The following SBNO1 variants were observed in gnomAD, a reference collection of about 807,000 sequenced individuals.
SBNO1 encodes the protein strawberry notch homolog 1, also known as protein strawberry notch homolog 1.
Under a neutral mutation model 173.6 loss-of-function variants are expected in SBNO1, and 23 were observed. That is an observed-to-expected ratio of 0.13 (90% CI 0.10 to 0.19). The LOEUF (loss-of-function observed/expected upper bound fraction) is 0.19. Among genes scored for constraint, SBNO1 ranks in the 10% least tolerant of loss-of-function variants. The probability of loss-of-function intolerance (pLI) is 1.00; values close to 1 mark genes in which losing one functional copy is unlikely to be tolerated. For synonymous variants in SBNO1, 632 were observed against 571.5 expected, an observed-to-expected ratio of 1.11 and a Z score of -1.51; for missense variants, 1,238 against 1,671.2, an observed-to-expected ratio of 0.74 and a Z score of 4.52.
chr12:123,348,622 C>T lies in SBNO1; in HGVS notation c.133-489G>A, dbSNP rs892634306. ...TCTACTAAAAATACAAAAAATTCAC[C>T]GAGTGTGGTGGTGGGCGCCTGTAGT... On this transcript the variant is annotated intron_variant, in intron 2 of 31. Coordinates refer to ENST00000602398, the MANE Select transcript of SBNO1 (RefSeq NM_001167856.3). Among the ~76,000 whole-genome samples, 5 of 152,168 alleles carry T rather than the reference C, an allele frequency of 3.3e-5. No individual in the cohort carries two copies. The South Asian group carries it at 6.2e-4, about 19-fold the overall frequency.
intron 10 of SBNO1, 141 bp from the exon 11 acceptor site, chr12:123,328,168 C>T (rs1467633723): frequency 1.7e-6 from 1 of 583,944 alleles, no homozygotes; most frequent in Admixed American, 3.3e-5. Flanking sequence ...GTCCTATGGG[C>T]CTTTCCCCAG....
Position 123,295,611 on chromosome 12 carries a change from C to G in SBNO1, c.*297G>C. 3.4e-6 allele frequency: 1 copy of G among 297,166 alleles called. No homozygotes were observed. The highest frequency in any genetic ancestry group is 6.4e-6 in the Non-Finnish European group (1 of 156,018). The allele number at this position is 297,166 out of a possible 1,614,324, so 18.4% of individuals were successfully genotyped here. ...ACCAACTGTGGTCTGTAGCCTTTAA[C>G]ACACTCACAAACAGACTGACACACA... On this transcript the variant is annotated 3_prime_UTR_variant, in exon 32 of 32. Coordinates refer to ENST00000602398, the MANE Select transcript of SBNO1 (RefSeq NM_001167856.3).
chr12:123,363,975 C>T (rs1875743955), intron 1 of SBNO1: 1 of 985,546 alleles, frequency 1.0e-6, no homozygotes, highest in Non-Finnish European at 1.2e-6. Context: ...CTTTGGGGAA[C>T]TCTGGATGCT....
In SBNO1 at chr12:123,336,606, G is replaced by A. The variant is rs1167282120; in HGVS notation, c.652-115C>T. ...CAAATTTCCATCATGGAAACATGAC[G>A]CGCCACCTCAATACTCCCTAAAATC... On this transcript the variant is annotated intron_variant, in intron 5 of 31. Transcript: ENST00000602398. 19 of 652,224 alleles carry A rather than the reference G, an allele frequency of 2.9e-5. No homozygotes were observed. The Admixed American group carries it at 5.0e-4, about 17-fold the overall frequency. The allele number at this position is 652,224 out of a possible 1,614,324, so 40.4% of individuals were successfully genotyped here.
In SBNO1 at chr12:123,297,454, C is replaced by T. The variant is rs559300974; in HGVS notation, c.4039+524G>A. ...AGACTGACTTTGGCCCATGAACTCC[C>T]GATATGCAATCCGTGGTAGAGGAAG... On this transcript the variant is annotated intron_variant, in intron 31 of 31. Transcript: ENST00000602398. Among the ~76,000 whole-genome samples the T allele has an allele frequency of 1.4e-4, 18 of 124,564 alleles. No homozygotes were observed. The South Asian group carries it at 3.0e-3, about 21-fold the overall frequency. The allele number at this position is 124,564 out of a possible 152,430, so 81.7% of individuals were successfully genotyped here. A position where few individuals can be genotyped will look rare whatever the true frequency, so the allele number is the denominator to read the frequency against.
At chr12:123,327,358 C>A in intron 13 of SBNO1, 68 bp downstream of exon 13, 2 of 1,364,412 alleles carry the variant, frequency 1.5e-6, no homozygotes, top group African/African-American at 1.5e-5. Flanking sequence ...GCATCGCAAT[C>A]GCCAAAACTA....
At chr12:123,321,504 CT>C (rs1869974515) in intron 17 of SBNO1, 30 bp downstream of exon 17, 1 of 1,435,560 alleles carries the variant, frequency 7.0e-7, no homozygotes, top group Non-Finnish European at 9.8e-7. Context: ...ATATTATATG[CT>C]TTCGTGTATA....
At chr12:123,311,252 A>T in intron 24 of SBNO1, 123 bp from the exon 25 acceptor site, 1 of 680,348 alleles carries the variant, frequency 1.5e-6, no homozygotes, top group South Asian at 1.7e-5. Flanking sequence ...TGATATTTAT[A>T]TAAACATGGA....
chr12:123,364,244 G>A (rs990985597), intron 1 of SBNO1: 34 of 985,526 alleles, frequency 3.4e-5, no homozygotes, highest in Non-Finnish European at 4.1e-5. Flanking sequence ...GCCCAGAGCC[G>A]GGAGCAATGC....
rs777699100 is a variant in SBNO1 at position 123,348,012 on chromosome 12, A to G, written c.237+17T>C. On this transcript the variant is annotated intron_variant, in intron 3 of 31. Coordinates refer to ENST00000602398, the MANE Select transcript of SBNO1 (RefSeq NM_001167856.3). ...TAAACTATTTTAGAAGTAACGACGAATCTAAATCATTCTTACCCTCACATT... is the reference window on the plus strand; with the variant it reads ...TAAACTATTTTAGAAGTAACGACGAGTCTAAATCATTCTTACCCTCACATT... 1.6e-5 allele frequency: 24 copies of G among 1,478,404 alleles called. No homozygotes were observed. Among genetic ancestry groups the G allele is most frequent in the Admixed American group, 3.4e-5 (2 of 58,172 alleles). 91.6% of individuals were successfully genotyped at this position (1,478,404 alleles called of 1,614,324 possible). A position where few individuals can be genotyped will look rare whatever the true frequency, so the allele number is the denominator to read the frequency against.
At chr12:123,352,068 CATGGATTTTTA>C (rs1873940644) in intron 1 of SBNO1, among the ~76,000 whole-genome samples, 1 of 904 alleles carries the variant, frequency 1.1e-3, no homozygotes. Context: ...ATTCTGCTGC[CATGGATTTTTA>C]CCCATTTTAT....
chr12:123,316,998 A>C (rs1043992527), intron 21 of SBNO1, among the ~76,000 whole-genome samples: 8 of 151,962 alleles, frequency 5.3e-5, no homozygotes, highest in Non-Finnish European at 5.9e-5. Flanking sequence ...CACTGCTCTC[A>C]GCTGTTTTTC....
At chr12:123,342,585 C>CG (rs1220660268) in intron 4 of SBNO1, among the ~76,000 whole-genome samples, 2 of 152,180 alleles carry the variant, frequency 1.3e-5, no homozygotes, top group Admixed American at 6.5e-5. Context: ...TTTGGGAACT[C>CG]CTTACTTCCT....
At chr12:123,315,511 C>A in intron 22 of SBNO1, 37 bp downstream of exon 22, 1 of 1,581,006 alleles carries the variant, frequency 6.3e-7, no homozygotes, top group Non-Finnish European at 8.7e-7. Context: ...TACAATAGAT[C>A]ATCATTTACA....
intron 4 of SBNO1, 94 bp downstream of exon 4, chr12:123,345,164 C>A (rs1566049455): frequency 9.4e-7 from 1 of 1,068,460 alleles, no homozygotes; most frequent in East Asian, 2.4e-5. Context: ...CCTTTTATGG[C>A]CAGTTCTTTA....
rs61955078 is a variant in SBNO1 at position 123,347,139 on chromosome 12, G to C, written c.237+890C>G. Reference sequence around the variant, plus strand: ...TGTCGCAAAGTAGGAGGTAAGGGTAGGATATTGGGAAAGCGGCAAAAAGCA... The same window carrying C: ...TGTCGCAAAGTAGGAGGTAAGGGTACGATATTGGGAAAGCGGCAAAAAGCA... On this transcript the variant is annotated intron_variant, in intron 3 of 31. Coordinates refer to ENST00000602398, the MANE Select transcript of SBNO1 (RefSeq NM_001167856.3). Among the ~76,000 whole-genome samples, 493 of 151,666 alleles carry C rather than the reference G, an allele frequency of 3.3e-3. 3 individuals carry two copies. Among genetic ancestry groups the C allele is most frequent in the Non-Finnish European group, 5.1e-3 (344 of 67,972 alleles).
At position 123,345,339 on chromosome 12, in the gene SBNO1, G is replaced by C; in HGVS notation, c.469C>G (p.Leu157Val). 2 of 1,614,082 alleles carry C rather than the reference G, an allele frequency of 1.2e-6. No individual in the cohort carries two copies. The highest frequency in any genetic ancestry group is 2.2e-5 in the South Asian group (2 of 91,082). The change falls in exon 4 of 32, where the codon CTA (leucine) becomes GTA (valine). Residue 157 changes from leucine (L) to valine (V), a missense_variant. Leu to Val is a conservative substitution (Grantham distance 32). This residue lies in a region of SBNO1 where 287 missense variants were observed against 274.1 expected (regional missense o/e 1.05). Coordinates refer to ENST00000602398, the MANE Select transcript of SBNO1 (RefSeq NM_001167856.3). ...PSKDQVQLKD[L>V]LKNNSLNELM... ...TCATTAAGACTATTATTTTTCAGTA[G>C]ATCTTTAAGCTGAACTTGGTCTTTT...
intron 1 of SBNO1, among the ~76,000 whole-genome samples, chr12:123,351,467 A>G (rs1444479547): frequency 6.6e-6 from 1 of 152,144 alleles, no homozygotes; most frequent in Non-Finnish European, 1.5e-5. Context: ...TCTACAAAAA[A>G]ATTTTTTTAA....
chr12:123,312,302 C>T (rs4759377), intron 24 of SBNO1, among the ~76,000 whole-genome samples: 16,737 of 152,160 alleles, frequency 0.11, 1,047 homozygotes, highest in East Asian at 0.29. Flanking sequence ...TAAGACTTTA[C>T]TGCTTTTGTT....
Sources: allele counts gnomAD v4.1 joint callset (sites outside exome capture counted in the v4.1 genomes callset), GRCh38; gene constraint gnomAD v4.1.1; regional missense constraint gnomAD v4.1.1; transcripts MANE v1.5; gene names NCBI Gene and HGNC (gene_info 2026-07-23, HGNC 2026-07-21).